Variants in SLC4A10 observed in about 807,000 individuals in gnomAD.
SLC4A10 encodes the protein solute carrier family 4 member 10.
In SLC4A10, 42 loss-of-function variants were observed where a neutral mutation model predicts 137.7. The observed-to-expected ratio is 0.30, with a 90% CI of 0.24 to 0.39. SLC4A10 has a LOEUF of 0.39. Ranked by LOEUF, SLC4A10 falls within the 10% of genes least tolerant of loss-of-function variation. The pLI is 1.00. For missense variants in SLC4A10, 925 were observed against 1,355.0 expected, an observed-to-expected ratio of 0.68 and a Z score of 4.98; for synonymous variants, 474 against 464.1, an observed-to-expected ratio of 1.02 and a Z score of -0.27.
rs1001893306 is a variant in SLC4A10, at chr2:161,630,789, G to T, written c.48+6223G>T. Reference sequence around the variant, plus strand: ...GTAATCCTCATGATAATCCTGAAAAGTTGCTAATGTTTTCCAGCCTTGCAG... The same window carrying T: ...GTAATCCTCATGATAATCCTGAAAATTTGCTAATGTTTTCCAGCCTTGCAG... On this transcript the variant is annotated intron_variant, in intron 1 of 26. Transcript: ENST00000446997. Among the ~76,000 whole-genome samples the T allele has an allele frequency of 6.6e-5, 10 of 151,840 alleles. No homozygotes were observed. In the East Asian group the frequency reaches 1.9e-3, roughly 29 times the overall value.
chr2:161,629,365 T>C lies in SLC4A10; in HGVS notation c.48+4799T>C, dbSNP rs150096161. 7.2e-5 allele frequency among the ~76,000 whole-genome samples: 11 copies of C among 151,828 alleles called. No homozygotes were observed. In the East Asian group the frequency reaches 1.9e-3, roughly 27 times the overall value. On this transcript the variant is annotated intron_variant, in intron 1 of 26. Transcript: ENST00000446997. ...AGAAAAAGGGAATAATTTGTGTGTG[T>C]TGCATCTTTTATGGAATTATATGTA... is the stretch of plus-strand genomic sequence containing the variant.
intron 1 of SLC4A10, among the ~76,000 whole-genome samples, chr2:161,729,618 T>A (rs999226484): frequency 8.3e-5 from 10 of 121,062 alleles, no homozygotes; most frequent in Non-Finnish European, 1.7e-4. Flanking sequence ...ATAAAGCGAA[T>A]TTTTTTTTCA....
At chr2:161,930,294 T>C (rs989310731) in intron 15 of SLC4A10, among the ~76,000 whole-genome samples, 1 of 152,130 alleles carries the variant, frequency 6.6e-6, no homozygotes, top group East Asian at 1.9e-4. Context: ...CTTCATTTTC[T>C]TTAAACAGAA....
intron 1 of SLC4A10, among the ~76,000 whole-genome samples, chr2:161,743,778 T>A (rs1337779267): frequency 1.3e-5 from 2 of 152,170 alleles, no homozygotes; most frequent in African/African-American, 4.8e-5. Context: ...ACATGGAACA[T>A]CTTTCCATTT....
intron 15 of SLC4A10, among the ~76,000 whole-genome samples, chr2:161,937,859 G>C (rs74935201): frequency 6.6e-6 from 1 of 151,982 alleles, no homozygotes; most frequent in Non-Finnish European, 1.5e-5. Context: ...GAAGGTTACC[G>C]TACCTTAAGG....
At chr2:161,705,984 G>A (rs1461466608) in intron 1 of SLC4A10, among the ~76,000 whole-genome samples, 1 of 151,572 alleles carries the variant, frequency 6.6e-6, no homozygotes, top group Non-Finnish European at 1.5e-5. Flanking sequence ...TACTGTATGA[G>A]TAAATAATTT....
rs1264251736 is a variant in SLC4A10, at chr2:161,947,671, G to A, written c.2209G>A (p.Val737Ile). Reference sequence around the variant, plus strand: ...GTCTGTGATCCTGTTCTTTTCCACAGTTACTCTGTCAGCCACCCTGAAGCA... The same window carrying A: ...GTCTGTGATCCTGTTCTTTTCCACAATTACTCTGTCAGCCACCCTGAAGCA... The part of the protein sequence containing the change: ...FWSVILFFST[V>I]TLSATLKQFK... Residue 737 changes from valine to isoleucine, a missense_variant, in exon 17 of 27, where the codon GTT becomes ATT. Transcript: ENST00000446997. 6.2e-7 allele frequency: 1 copy of A among 1,613,184 alleles called. No homozygotes were observed. The highest frequency in any genetic ancestry group is 8.5e-7 in the Non-Finnish European group (1 of 1,179,384).
At chr2:161,831,452 G>T (rs1353890186) in intron 3 of SLC4A10, among the ~76,000 whole-genome samples, 1 of 151,684 alleles carries the variant, frequency 6.6e-6, no homozygotes, top group Non-Finnish European at 1.5e-5. Context: ...TATGACTAAG[G>T]CTTCCTCATC....
At chr2:161,807,209 G>C (rs1325107965) in intron 3 of SLC4A10, among the ~76,000 whole-genome samples, 1 of 152,174 alleles carries the variant, frequency 6.6e-6, no homozygotes, top group Non-Finnish European at 1.5e-5. Context: ...CAACATGTGA[G>C]AATTCAAGAT....
At chr2:161,640,461 C>T (rs953446179) in intron 1 of SLC4A10, among the ~76,000 whole-genome samples, 1 of 152,138 alleles carries the variant, frequency 6.6e-6, no homozygotes. Flanking sequence ...TTTTCACTTC[C>T]ACTAGAAGCC....
chr2:161,639,786 AG>A (rs2035013638), intron 1 of SLC4A10, among the ~76,000 whole-genome samples: 1 of 152,170 alleles, frequency 6.6e-6, no homozygotes, highest in African/African-American at 2.4e-5. Flanking sequence ...ATTAGGCAAA[AG>A]AAAGAAATAA....
At chr2:161,695,060 T>C (rs1318696798) in intron 1 of SLC4A10, among the ~76,000 whole-genome samples, 1 of 152,072 alleles carries the variant, frequency 6.6e-6, no homozygotes, top group Non-Finnish European at 1.5e-5. Flanking sequence ...AAATATGATG[T>C]AGTAATTACT....
chr2:161,784,802 A>C (rs2053436147), intron 2 of SLC4A10, among the ~76,000 whole-genome samples: 1 of 151,546 alleles, frequency 6.6e-6, no homozygotes, highest in Non-Finnish European at 1.5e-5. Flanking sequence ...AAAAGAAGAC[A>C]GATCTCAAAT....
At chr2:161,842,741 C>T (rs894336924) in intron 4 of SLC4A10, among the ~76,000 whole-genome samples, 15 of 152,148 alleles carry the variant, frequency 9.9e-5, no homozygotes, top group Admixed American at 8.5e-4. Flanking sequence ...TCAAAAACTA[C>T]GTAGTAGTTT....
chr2:161,697,996 G>T (rs2042725070), intron 1 of SLC4A10, among the ~76,000 whole-genome samples: 1 of 152,164 alleles, frequency 6.6e-6, no homozygotes, highest in Non-Finnish European at 1.5e-5. Context: ...GCAGTGGTTT[G>T]TAGTTCTCCT....
At chr2:161,763,372 G>A (rs1214768389) in intron 1 of SLC4A10, among the ~76,000 whole-genome samples, 1 of 151,994 alleles carries the variant, frequency 6.6e-6, no homozygotes, top group African/African-American at 2.4e-5. Context: ...GAAACACATG[G>A]TCACTCAAAA....
At chr2:161,872,202 T>C (rs374964341) in intron 6 of SLC4A10, 91 bp from the exon 7 acceptor site, 5 of 774,430 alleles carry the variant, frequency 6.5e-6, no homozygotes, top group East Asian at 2.5e-5. Context: ...AGAAACCTGT[T>C]AGTCTAGTTT....
At chr2:161,672,092 G>A (rs2039791763) in intron 1 of SLC4A10, among the ~76,000 whole-genome samples, 1 of 152,142 alleles carries the variant, frequency 6.6e-6, no homozygotes, top group African/African-American at 2.4e-5. Context: ...AGGGTACATG[G>A]TGGGATGTAC....
chr2:161,832,875 G>A (rs890541558), intron 3 of SLC4A10, among the ~76,000 whole-genome samples: 5 of 152,124 alleles, frequency 3.3e-5, no homozygotes, highest in African/African-American at 9.7e-5. Context: ...CGAATAGCTG[G>A]GATTACAGGC....
Sources: allele counts gnomAD v4.1 joint callset (sites outside exome capture counted in the v4.1 genomes callset), GRCh38; gene constraint gnomAD v4.1.1; transcripts MANE v1.5; gene names NCBI Gene and HGNC (gene_info 2026-07-23, HGNC 2026-07-21).